The following ZNF131 variants were observed in gnomAD, a reference collection of about 807,000 sequenced individuals.
ZNF131 encodes zinc finger protein 131.
Under a neutral mutation model 60.0 loss-of-function variants are expected in ZNF131, and 7 were observed. The observed-to-expected ratio is 0.12, with a 90% confidence interval of 0.07 to 0.22. The LOEUF (loss-of-function observed/expected upper bound fraction) is 0.22, where lower values mean the gene tolerates loss of function less well. Ranked by LOEUF, ZNF131 falls within the 10% of genes least tolerant of loss-of-function variation. The probability of loss-of-function intolerance (pLI) is 1.00; values close to 1 mark genes in which losing one functional copy is unlikely to be tolerated. For synonymous variants in ZNF131, 257 were observed against 253.2 expected, an observed-to-expected ratio of 1.01 and a Z score of -0.14; for missense variants, 493 against 740.9, an observed-to-expected ratio of 0.67 and a Z score of 3.88.
intron 4 of ZNF131, among the ~76,000 whole-genome samples, chr5:43,159,840 C>T (rs1749424105): frequency 1.3e-5 from 2 of 151,942 alleles, no homozygotes; most frequent in East Asian, 1.9e-4. Flanking sequence ...TCAATTTTTG[C>T]TGTTATGATT....
intron 3 of ZNF131, among the ~76,000 whole-genome samples, chr5:43,136,267 T>G (rs1485773782): frequency 6.6e-6 from 1 of 152,162 alleles, no homozygotes; most frequent in African/African-American, 2.4e-5. Flanking sequence ...TCCAAAACAG[T>G]TGTGATCCCA....
rs1382887795 is a variant in ZNF131, at chr5:43,174,832, A to T, written c.1571A>T (p.Tyr524Phe). The T allele has an allele frequency of 1.9e-6, 3 of 1,614,128 alleles. No homozygotes were observed. Among genetic ancestry groups the T allele is most frequent in the South Asian group, 1.1e-5 (1 of 91,096 alleles). ...SELPEQVQVSYLEVGRIQTEE... is the reference protein window; with the variant it reads ...SELPEQVQVSFLEVGRIQTEE... The stretch of plus-strand genomic sequence containing the variant: ...CTTCCAGAGCAGGTCCAAGTGAGTT[A>T]TCTAGAAGTGGGCCGAATTCAGACT... Residue 524 changes from tyrosine to phenylalanine, a missense_variant, in exon 7 of 7, where the codon TAT becomes TTT. Coordinates refer to ENST00000682664, the MANE Select transcript of ZNF131 (RefSeq NM_001330707.2).
At chr5:43,153,015 A>T (rs1748516289) in intron 4 of ZNF131, among the ~76,000 whole-genome samples, 1 of 152,082 alleles carries the variant, frequency 6.6e-6, no homozygotes, top group Admixed American at 6.6e-5. Context: ...TTTTCCAGTC[A>T]TCCCCTCCTC....
intron 4 of ZNF131, among the ~76,000 whole-genome samples, chr5:43,156,724 C>T (rs1749011753): frequency 6.6e-6 from 1 of 152,114 alleles, no homozygotes; most frequent in African/African-American, 2.4e-5. Context: ...TCAGGTTTGA[C>T]TTGGACAGTA....
intron 3 of ZNF131, among the ~76,000 whole-genome samples, chr5:43,134,423 C>T (rs1745757459): frequency 6.6e-6 from 1 of 152,136 alleles, no homozygotes; most frequent in Non-Finnish European, 1.5e-5. Context: ...GAAAAACTGA[C>T]ACTTTTTTCT....
chr5:43,123,109 G>C, intron 2 of ZNF131, 100 bp from the exon 3 acceptor site: 1 of 797,686 alleles, frequency 1.3e-6, no homozygotes, highest in East Asian at 2.7e-5. Context: ...AATGAAGGAA[G>C]ACCTATTTTG....
intron 3 of ZNF131, among the ~76,000 whole-genome samples, chr5:43,136,407 T>C (rs1461213786): frequency 6.7e-6 from 1 of 148,368 alleles, no homozygotes; most frequent in Non-Finnish European, 1.5e-5. Context: ...CTAAAATTCA[T>C]ATGGAACCAC....
At chr5:43,121,936 T>G in intron 1 of ZNF131, 103 bp from the exon 2 acceptor site, 2 of 1,277,334 alleles carry the variant, frequency 1.6e-6, no homozygotes, top group Non-Finnish European at 2.1e-6. Flanking sequence ...CCTCCCCCCT[T>G]CTTTTCACGT....
At chr5:43,127,365 A>G (rs895487337) in intron 3 of ZNF131, among the ~76,000 whole-genome samples, 1 of 152,338 alleles carries the variant, frequency 6.6e-6, no homozygotes, top group Middle Eastern at 3.4e-3. Flanking sequence ...TTGATATACT[A>G]TGTAGGTTGT....
rs74939015 is a variant in ZNF131 at position 43,162,233 on chromosome 5, T to C, written c.1054+302T>C. On this transcript the variant is annotated intron_variant, in intron 5 of 6. Transcript: ENST00000682664. ...AAAGATCGTAAATAATTAAATCTTA[T>C]AGTGAGACTTTACCATTTCTATTTT... 0.01 allele frequency among the ~76,000 whole-genome samples: 1,551 copies of C among 152,356 alleles called. 103 individuals are homozygous for C. In the East Asian group the frequency reaches 0.18, roughly 18 times the overall value.
At chr5:43,140,691 T>TCCCC (rs1357254118) in intron 4 of ZNF131, among the ~76,000 whole-genome samples, 20 of 152,346 alleles carry the variant, frequency 1.3e-4, no homozygotes, top group Admixed American at 3.9e-4. Context: ...TAAAATTTAT[T>TCCCC]TCTCTGAGGA....
intron 5 of ZNF131, among the ~76,000 whole-genome samples, chr5:43,172,418 T>C (rs35673052): frequency 0.097 from 14,775 of 152,162 alleles, 854 homozygotes; most frequent in East Asian, 0.19. Flanking sequence ...GTCAGGAGTT[T>C]GAGACCAGCC....
intron 4 of ZNF131, among the ~76,000 whole-genome samples, chr5:43,154,371 G>A (rs1430484647): frequency 6.6e-6 from 1 of 151,512 alleles, no homozygotes; most frequent in African/African-American, 2.4e-5. Context: ...CTGAGATTGC[G>A]CCACTGCACT....
chr5:43,167,879 C>A, intron 5 of ZNF131: 1 of 430,636 alleles, frequency 2.3e-6, no homozygotes, highest in Non-Finnish European at 4.6e-6. Context: ...TTGCTTATAA[C>A]AATACCTGAA....
At chr5:43,147,758 GT>G in intron 4 of ZNF131, among the ~76,000 whole-genome samples, 1 of 149,806 alleles carries the variant, frequency 6.7e-6, no homozygotes, top group Admixed American at 6.7e-5. Flanking sequence ...CAGTTTGGAA[GT>G]TTTTTGGTTT....
chr5:43,148,467 G>C (rs1473580980), intron 4 of ZNF131, among the ~76,000 whole-genome samples: 1 of 152,154 alleles, frequency 6.6e-6, no homozygotes, highest in African/African-American at 2.4e-5. Flanking sequence ...TATTGTCAAG[G>C]GTTTTTTAAA....
At chr5:43,146,676 G>C (rs1263121195) in intron 4 of ZNF131, among the ~76,000 whole-genome samples, 1 of 151,882 alleles carries the variant, frequency 6.6e-6, no homozygotes, top group Non-Finnish European at 1.5e-5. Context: ...GAAGGCCGAG[G>C]CAGGCAATCA....
chr5:43,143,986 G>C (rs1211649118), intron 4 of ZNF131, among the ~76,000 whole-genome samples: 1 of 131,022 alleles, frequency 7.6e-6, no homozygotes, highest in East Asian at 2.3e-4. Flanking sequence ...GCAGTGGTGC[G>C]ATCTTGGCTC....
chr5:43,129,641 G>A (rs1745041010), intron 3 of ZNF131, among the ~76,000 whole-genome samples: 1 of 152,028 alleles, frequency 6.6e-6, no homozygotes, highest in Admixed American at 6.6e-5. Flanking sequence ...CAGATTTATG[G>A]AGAAACTTCT....
Sources: gnomAD v4.1 joint callset for allele counts (sites outside exome capture counted in the v4.1 genomes callset) on GRCh38, gnomAD v4.1.1 for gene constraint, MANE v1.5 for transcripts, NCBI Gene and HGNC (gene_info 2026-07-23, HGNC 2026-07-21) for gene names.